Variants in FOCAD observed in about 807,000 individuals in gnomAD.
The protein encoded by FOCAD is KIAA1797.
A neutral mutation model predicts 225.6 loss-of-function variants in FOCAD; 198 were observed. The observed-to-expected ratio is 0.88, with a 90% CI of 0.78 to 0.99. FOCAD has a LOEUF of 0.99. Among genes scored for constraint, FOCAD ranks in the 50% least tolerant of loss-of-function variants. The pLI is 0.00. For missense variants in FOCAD, 2,713 were observed against 2,123.6 expected (o/e 1.28, Z -5.46); for synonymous variants, 897 against 755.0 (o/e 1.19, Z -3.08).
intron 11 of FOCAD, among the ~76,000 whole-genome samples, chr9:20,814,648 G>A (rs773785785): frequency 4.0e-5 from 6 of 151,736 alleles, no homozygotes; most frequent in Non-Finnish European, 7.4e-5. Flanking sequence ...ATGAGCTACC[G>A]TACCCAGCCA....
rs539915727 is a variant in FOCAD at position 20,760,238 on chromosome 9, A to G, written c.494+2047A>G. Among the ~76,000 whole-genome samples the G allele has an allele frequency of 1.2e-4, 18 of 152,348 alleles. 1 individual carries two copies. In the South Asian group the frequency reaches 3.7e-3, roughly 32 times the overall value. The stretch of plus-strand genomic sequence containing the variant: ...TGCACTTGCAGTGCATGGGCTAAGC[A>G]TGGAGCATGTTCCCACCCCTTTGGC... On this transcript the variant is annotated intron_variant, in intron 6 of 43. Coordinates refer to ENST00000338382, the MANE Select transcript of FOCAD (RefSeq NM_001375567.1).
At chr9:20,896,715 G>A (rs941082537) in intron 21 of FOCAD, among the ~76,000 whole-genome samples, 7 of 151,794 alleles carry the variant, frequency 4.6e-5, no homozygotes, top group East Asian at 3.9e-4. Flanking sequence ...GTGATATCCC[G>A]TCTTTCACTG....
chr9:20,663,220 A>C (rs1821787241), intron 2 of FOCAD, among the ~76,000 whole-genome samples: 1 of 151,992 alleles, frequency 6.6e-6, no homozygotes, highest in East Asian at 1.9e-4. Flanking sequence ...GACTGCCTCT[A>C]CAAAAAAATA....
At chr9:20,847,917 A>G (rs1195956892) in intron 15 of FOCAD, among the ~76,000 whole-genome samples, 1 of 152,136 alleles carries the variant, frequency 6.6e-6, no homozygotes, top group Non-Finnish European at 1.5e-5. Context: ...TTTTAATTAT[A>G]GAAAAATGAT....
At chr9:20,717,683 G>A in intron 2 of FOCAD, 111 bp from the exon 3 acceptor site, 1 of 779,040 alleles carries the variant, frequency 1.3e-6, no homozygotes, top group Non-Finnish European at 2.1e-6. Flanking sequence ...CTTAGTTAAT[G>A]GGAATTTTAC....
chr9:20,744,759 T>C (rs993190154), intron 5 of FOCAD, among the ~76,000 whole-genome samples: 6 of 152,226 alleles, frequency 3.9e-5, no homozygotes, highest in African/African-American at 1.4e-4. Context: ...TGGGACTTCA[T>C]TGTTGCCACA....
rs546831960 is a variant in FOCAD at position 20,859,403 on chromosome 9, A to G, written c.1921-3175A>G. ...TCTCAAAAAAAAAAAAAAGAAAGAA[A>G]GAAAATATTATTCTCAATTGTTCCT... On this transcript the variant is annotated intron_variant, in intron 15 of 43. Coordinates refer to ENST00000338382, the MANE Select transcript of FOCAD (RefSeq NM_001375567.1). Among the ~76,000 whole-genome samples the G allele has an allele frequency of 4.0e-5, 6 of 151,206 alleles. No individual in the cohort carries two copies. In the South Asian group the frequency reaches 1.0e-3, roughly 26 times the overall value.
intron 1 of FOCAD, among the ~76,000 whole-genome samples, chr9:20,713,734 G>T (rs1050282790): frequency 3.9e-5 from 6 of 152,154 alleles, no homozygotes; most frequent in Non-Finnish European, 8.8e-5. Context: ...TTCAAGATAG[G>T]AATATATGTC....
At chr9:20,908,607 G>A (rs1057489322) in intron 22 of FOCAD, among the ~76,000 whole-genome samples, 11 of 151,916 alleles carry the variant, frequency 7.2e-5, no homozygotes, top group African/African-American at 2.4e-4. Flanking sequence ...TGGAACCATC[G>A]TTTTCTTTTG....
intron 8 of FOCAD, among the ~76,000 whole-genome samples, chr9:20,771,578 G>C (rs758369065): frequency 6.6e-6 from 1 of 152,180 alleles, no homozygotes; most frequent in Non-Finnish European, 1.5e-5. Flanking sequence ...GACCAACATG[G>C]TGAAACTTCG....
chr9:20,812,609 C>G (rs2131360662), intron 11 of FOCAD, among the ~76,000 whole-genome samples: 1 of 151,536 alleles, frequency 6.6e-6, no homozygotes, highest in South Asian at 2.1e-4. Flanking sequence ...TATGTTTTGT[C>G]CAATTTATGG....
intron 35 of FOCAD, among the ~76,000 whole-genome samples, chr9:20,961,785 A>G (rs558143866): frequency 3.3e-5 from 5 of 152,250 alleles, no homozygotes; most frequent in African/African-American, 1.2e-4. Context: ...ACGGTCCTAA[A>G]CTGCCTTCCT....
chr9:20,882,430 C>T (rs1830755303), intron 20 of FOCAD, among the ~76,000 whole-genome samples: 1 of 152,066 alleles, frequency 6.6e-6, no homozygotes, highest in African/African-American at 2.4e-5. Context: ...TGAATTTGCA[C>T]CAAGAGCTAA....
chr9:20,929,432 G>T lies in FOCAD; in HGVS notation c.3153G>T (p.Val1051=), dbSNP rs372430179. Residue 1051 remains valine, a synonymous_variant, in exon 27 of 44, where the codon GTG becomes GTT. Transcript: ENST00000338382. ...CCGCCACGGCTTTGTCTCTCCTTGT[G>T]CCAGTTTTCATTATCTCTTGCAAAG... ...SAAATALSLL[V]PVFIISCKEK... 2.7e-5 allele frequency: 44 copies of T among 1,613,946 alleles called. No homozygotes were observed. Among genetic ancestry groups the T allele is most frequent in the Non-Finnish European group, 3.6e-5 (42 of 1,180,032 alleles).
Position 20,866,917 on chromosome 9 carries a change from T to TTTTTTTAACAAAAAA in FOCAD, c.2107-12_2107-11insTTTTTTAACAAAAAA. The TTTTTTTAACAAAAAA allele has an allele frequency of 1.3e-6, 1 of 764,972 alleles. No homozygotes were observed. Among genetic ancestry groups the TTTTTTTAACAAAAAA allele is most frequent in the Non-Finnish European group, 2.0e-6 (1 of 498,468 alleles). 47.4% of individuals were successfully genotyped at this position (764,972 alleles called of 1,614,324 possible). ...TTTTTTTTTTTTTTTTTTTTTTTTT[T>TTTTTTTAACAAAAAA]ACCCTATCTAGGACCCAATTGTAGC... On this transcript the variant is annotated splice_polypyrimidine_tract_variant and intron_variant, in intron 17 of 43. Transcript: ENST00000338382.
Position 20,781,941 on chromosome 9 carries a change from A to G in FOCAD, c.1197+12A>G. ...ATGACCACCAAAAGGTAATGAATCTATCCTTGTTTCTCTTAAATAAAGTGT... is the reference window on the plus strand; with the variant it reads ...ATGACCACCAAAAGGTAATGAATCTGTCCTTGTTTCTCTTAAATAAAGTGT... On this transcript the variant is annotated intron_variant, in intron 10 of 43. Coordinates refer to ENST00000338382, the MANE Select transcript of FOCAD (RefSeq NM_001375567.1). 1.9e-6 allele frequency: 3 copies of G among 1,610,716 alleles called. No individual in the cohort carries two copies. The highest frequency in any genetic ancestry group is 1.1e-5 in the South Asian group (1 of 90,888).
intron 5 of FOCAD, among the ~76,000 whole-genome samples, chr9:20,749,872 A>C (rs1332322): frequency 0.32 from 49,043 of 151,914 alleles, 8,490 homozygotes; most frequent in East Asian, 0.52. Context: ...CCTCATTTCT[A>C]TTAGGATTGA....
At chr9:20,905,226 G>T (rs1832859735) in intron 21 of FOCAD, among the ~76,000 whole-genome samples, 1 of 151,998 alleles carries the variant, frequency 6.6e-6, no homozygotes, top group African/African-American at 2.4e-5. Flanking sequence ...CCCACCTTCA[G>T]CTGTGGTTGA....
At chr9:20,685,210 TG>T (rs1822593108) in intron 1 of FOCAD, among the ~76,000 whole-genome samples, 1 of 151,844 alleles carries the variant, frequency 6.6e-6, no homozygotes, top group Non-Finnish European at 1.5e-5. Flanking sequence ...TTTTTTTTTT[TG>T]TTATTTTCAG....
Sources: allele counts gnomAD v4.1 joint callset (sites outside exome capture counted in the v4.1 genomes callset), GRCh38; gene constraint gnomAD v4.1.1; transcripts MANE v1.5; gene names NCBI Gene and HGNC (gene_info 2026-07-23, HGNC 2026-07-21).